ZNF596: variants seen among roughly 807,000 people sequenced by gnomAD.
ZNF596 encodes the protein zinc finger protein 596.
Under a neutral mutation model 48.3 loss-of-function variants are expected in ZNF596, and 45 were observed. The observed-to-expected ratio is 0.93, with a 90% CI of 0.73 to 1.19. The LOEUF is 1.19. ZNF596 is among the 50% of genes most tolerant of loss of function. The probability of loss-of-function intolerance (pLI) is 0.00; values close to 1 mark genes in which losing one functional copy is unlikely to be tolerated. For missense variants in ZNF596, 848 were observed against 599.7 expected, an observed-to-expected ratio of 1.41 and a Z score of -4.32; for synonymous variants, 270 against 202.0, an observed-to-expected ratio of 1.34 and a Z score of -2.85.
intron 1 of ZNF596, among the ~76,000 whole-genome samples, chr8:235,868 T>A (rs1796596090): frequency 6.6e-6 from 1 of 152,182 alleles, no homozygotes. Context: ...CCAAATAACA[T>A]AGGTTACATG....
intron 1 of ZNF596, among the ~76,000 whole-genome samples, chr8:237,825 C>T (rs964093977): frequency 6.6e-6 from 1 of 152,150 alleles, no homozygotes; most frequent in Non-Finnish European, 1.5e-5. Flanking sequence ...TGTAGCAGAC[C>T]CATTAAAAAC....
intron 1 of ZNF596, among the ~76,000 whole-genome samples, chr8:236,329 A>G (rs1010408187): frequency 9.9e-5 from 15 of 152,136 alleles, no homozygotes; most frequent in African/African-American, 3.6e-4. Context: ...AATTGATTCC[A>G]CTTTTTCAAG....
At chr8:244,583 G>T in intron 4 of ZNF596, 36 bp from the exon 5 acceptor site, 1 of 1,458,000 alleles carries the variant, frequency 6.9e-7, no homozygotes, top group Non-Finnish European at 9.6e-7. Context: ...TTCCCCTAAT[G>T]CCTATATAGC....
At chr8:244,385 G>A (rs1261714689) in intron 4 of ZNF596, 1 of 526,104 alleles carries the variant, frequency 1.9e-6, no homozygotes, top group Non-Finnish European at 3.3e-6. Flanking sequence ...CCTTTATAAT[G>A]GTCCTCTTCT....
chr8:243,351 T>C (rs1796930554), intron 3 of ZNF596: 1 of 273,080 alleles, frequency 3.7e-6, no homozygotes, highest in Non-Finnish European at 7.0e-6. Flanking sequence ...AATTATTCTA[T>C]CATAGGGACT....
At position 244,715 on chromosome 8, in the gene ZNF596, A is replaced by T. The variant is rs188368608; in HGVS notation, c.306+14A>T. On this transcript the variant is annotated intron_variant, in intron 5 of 5. Transcript: ENST00000398612. The stretch of plus-strand genomic sequence containing the variant: ...ATCAGCACAATGGTAAGCTTTATGG[A>T]TGCAAACCCTGTTCTTACATATAGA... 40 of 1,601,038 alleles carry T rather than the reference A, an allele frequency of 2.5e-5. No homozygotes were observed. In the East Asian group the frequency reaches 8.5e-4, roughly 34 times the overall value.
Position 232,622 on chromosome 8 carries a change from G to C in ZNF596, c.-145G>C. On this transcript the variant is annotated 5_prime_UTR_variant, in exon 1 of 6. It removes the in-frame stop codon of an upstream open reading frame in the 5' UTR. Coordinates refer to ENST00000398612, the MANE Select transcript of ZNF596 (RefSeq NM_001042416.3). ...TGCGTCTGTGTCCGGTTCCGTCACT[G>C]AGGTCGCCCCTGTCCGGCCCTTCCA... The C allele has an allele frequency of 3.0e-6, 1 of 337,312 alleles. No individual in the cohort carries two copies. Among genetic ancestry groups the C allele is most frequent in the Non-Finnish European group, 6.1e-6 (1 of 164,120 alleles). 20.9% of individuals were successfully genotyped at this position (337,312 alleles called of 1,614,324 possible). A position where few individuals can be genotyped will look rare whatever the true frequency, so the allele number is the denominator to read the frequency against.
intron 1 of ZNF596, among the ~76,000 whole-genome samples, chr8:236,603 A>ATTAT (rs1434534717): frequency 6.6e-6 from 1 of 152,158 alleles, no homozygotes; most frequent in Admixed American, 6.5e-5. Context: ...AAGATTTTAT[A>ATTAT]TTATTTTTAA....
At chr8:240,286 C>A (rs932974411) in intron 1 of ZNF596, 1 of 152,242 alleles carries the variant, frequency 6.6e-6, no homozygotes, top group Non-Finnish European at 1.5e-5. Context: ...TAAATTCATG[C>A]TACATTTATC....
intron 2 of ZNF596, among the ~76,000 whole-genome samples, chr8:242,273 C>T (rs1796882528): frequency 1.4e-5 from 2 of 147,966 alleles, no homozygotes; most frequent in Admixed American, 6.6e-5. Flanking sequence ...ACATAAGAGG[C>T]TGCATCTGCT....
rs577251971 is a variant in ZNF596, at chr8:238,838, A to G, written c.-72-1986A>G. 2.8e-4 allele frequency among the ~76,000 whole-genome samples: 43 copies of G among 152,008 alleles called. 1 individual carries two copies. In the South Asian group the frequency reaches 8.5e-3, roughly 30 times the overall value. Reference sequence around the variant, plus strand: ...AAAGAAAAAGAAATGGAGGTTTCTGATTTTCCTGATAAGAATTACAGGTAA... The same window carrying G: ...AAAGAAAAAGAAATGGAGGTTTCTGGTTTTCCTGATAAGAATTACAGGTAA... On this transcript the variant is annotated intron_variant, in intron 1 of 5. Coordinates refer to ENST00000398612, the MANE Select transcript of ZNF596 (RefSeq NM_001042416.3).
intron 2 of ZNF596, among the ~76,000 whole-genome samples, chr8:241,246 G>A (rs1024050130): frequency 6.6e-6 from 1 of 152,122 alleles, no homozygotes; most frequent in African/African-American, 2.4e-5. Context: ...TTATTGGCAG[G>A]AGTGGGCTTG....
intron 5 of ZNF596, 84 bp from the exon 6 acceptor site, chr8:245,068 TAG>T (rs1797007822): frequency 6.9e-7 from 1 of 1,443,626 alleles, no homozygotes; most frequent in African/African-American, 1.4e-5. Flanking sequence ...ATGATTATTC[TAG>T]AATTAATATG....
At chr8:236,843 G>A (rs1474750068) in intron 1 of ZNF596, among the ~76,000 whole-genome samples, 1 of 152,196 alleles carries the variant, frequency 6.6e-6, no homozygotes, top group African/African-American at 2.4e-5. Context: ...TTTTGCAAAT[G>A]TAAGTAAGGA....
chr8:244,140 T>C, intron 4 of ZNF596: 1 of 215,214 alleles, frequency 4.6e-6, no homozygotes, highest in Non-Finnish European at 9.2e-6. Flanking sequence ...TCCACCCACC[T>C]CAGCCTCCCA....
intron 3 of ZNF596, 139 bp from the exon 4 acceptor site, chr8:243,583 A>G (rs771577800): frequency 5.8e-6 from 4 of 689,046 alleles, no homozygotes; most frequent in Non-Finnish European, 7.4e-6. Context: ...AGGACTGTCA[A>G]TGTTGTCTTC....
chr8:244,808 GT>G, intron 5 of ZNF596, 107 bp downstream of exon 5: 1 of 880,606 alleles, frequency 1.1e-6, no homozygotes, highest in Non-Finnish European at 1.8e-6. Context: ...CCTCCCAGCA[GT>G]TTTAGATAGT....
At chr8:240,664 A>G in intron 1 of ZNF596, 160 bp from the exon 2 acceptor site, 2 of 556,334 alleles carry the variant, frequency 3.6e-6, no homozygotes, top group Admixed American at 6.3e-5. Flanking sequence ...AGCAATAGTC[A>G]TTTCTTCTGA....
chr8:243,267 C>G (rs1006761256), intron 3 of ZNF596: 1 of 340,128 alleles, frequency 2.9e-6, no homozygotes, highest in Non-Finnish European at 5.4e-6. Flanking sequence ...GCTCTTTAAT[C>G]TCCCAAACTC....
Sources: allele counts gnomAD v4.1 joint callset (sites outside exome capture counted in the v4.1 genomes callset), GRCh38; gene constraint gnomAD v4.1.1; transcripts MANE v1.5; gene names NCBI Gene and HGNC (gene_info 2026-07-23, HGNC 2026-07-21).